STARD3NL: variants seen among roughly 807,000 people sequenced by gnomAD.
STARD3NL encodes STARD3 N-terminal-like protein.
In STARD3NL, 17 loss-of-function variants were observed where a neutral mutation model predicts 30.9. The observed-to-expected ratio is 0.55, with a 90% CI of 0.38 to 0.82. The LOEUF is 0.82. Among genes scored for constraint, STARD3NL ranks in the 40% least tolerant of loss-of-function variants. The pLI is 0.00. For synonymous variants in STARD3NL, 112 were observed against 100.5 expected (o/e 1.11, Z -0.69); for missense variants, 234 against 277.6 (o/e 0.84, Z 1.12).
chr7:38,178,880 A>G (rs1217074311), intron 1 of STARD3NL, among the ~76,000 whole-genome samples: 1 of 143,176 alleles, frequency 7.0e-6, no homozygotes, highest in Admixed American at 6.8e-5. Flanking sequence ...AAAAAAAAAG[A>G]AAGAAAGCAC....
chr7:38,201,160 C>T (rs1019720865), intron 1 of STARD3NL, among the ~76,000 whole-genome samples: 15 of 152,158 alleles, frequency 9.9e-5, no homozygotes, highest in Non-Finnish European at 1.8e-4. Flanking sequence ...TACAACTTCC[C>T]TTTTTCCCAG....
intron 7 of STARD3NL, among the ~76,000 whole-genome samples, chr7:38,220,394 A>T (rs1188880258): frequency 2.6e-5 from 4 of 152,246 alleles, no homozygotes; most frequent in Non-Finnish European, 4.4e-5. Flanking sequence ...ATCACTAATC[A>T]TTAGGAAAAT....
At chr7:38,217,460 A>G (rs1400219840) in intron 6 of STARD3NL, among the ~76,000 whole-genome samples, 155 bp downstream of exon 6, 1 of 152,104 alleles carries the variant, frequency 6.6e-6, no homozygotes, top group Admixed American at 6.6e-5. Context: ...AATCGAGAGA[A>G]GGGTTGGGTG....
At chr7:38,194,085 G>A (rs1053601050) in intron 1 of STARD3NL, among the ~76,000 whole-genome samples, 1 of 152,022 alleles carries the variant, frequency 6.6e-6, no homozygotes, top group Admixed American at 6.5e-5. Flanking sequence ...TTTTGGAATG[G>A]TTTATTCTAT....
At chr7:38,221,218 A>C (rs1030936353) in intron 7 of STARD3NL, among the ~76,000 whole-genome samples, 1 of 152,146 alleles carries the variant, frequency 6.6e-6, no homozygotes, top group African/African-American at 2.4e-5. Context: ...ATGGTAAAAA[A>C]CCCACTATTT....
intron 1 of STARD3NL, among the ~76,000 whole-genome samples, chr7:38,199,257 A>G (rs1301224965): frequency 6.6e-6 from 1 of 152,240 alleles, no homozygotes; most frequent in Non-Finnish European, 1.5e-5. Flanking sequence ...AGCCAACCCC[A>G]GAGAGGATCT....
At chr7:38,222,491 A>G (rs909986076) in intron 7 of STARD3NL, among the ~76,000 whole-genome samples, 1 of 152,232 alleles carries the variant, frequency 6.6e-6, no homozygotes, top group African/African-American at 2.4e-5. Flanking sequence ...AAGGAAATTC[A>G]TATTAGAGTT....
intron 1 of STARD3NL, among the ~76,000 whole-genome samples, chr7:38,187,430 A>G (rs918565060): frequency 1.3e-5 from 2 of 152,254 alleles, no homozygotes; most frequent in Admixed American, 6.5e-5. Flanking sequence ...TATTATTTAT[A>G]TATCTTCCCT....
chr7:38,209,403 C>T (rs1169331999), intron 2 of STARD3NL, among the ~76,000 whole-genome samples: 1 of 152,090 alleles, frequency 6.6e-6, no homozygotes, highest in Non-Finnish European at 1.5e-5. Context: ...TTGCCTCAGC[C>T]TCCAGAGTAG....
intron 1 of STARD3NL, among the ~76,000 whole-genome samples, chr7:38,206,690 G>A (rs1367629326): frequency 3.3e-5 from 5 of 152,244 alleles, no homozygotes; most frequent in East Asian, 1.9e-4. Flanking sequence ...TTAAGAGGAT[G>A]GGGAAATGCT....
Position 38,221,289 on chromosome 7 carries a change from T to A in STARD3NL, c.649+1629T>A, listed in dbSNP as rs192433712. On this transcript the variant is annotated intron_variant, in intron 7 of 8. Coordinates refer to ENST00000009041, the MANE Select transcript of STARD3NL (RefSeq NM_032016.4). ...TGTTCTAAGCTTTATTAATATTCAC[T>A]CATTTACTCCTCCCTTGTCTGCTTA... Among the ~76,000 whole-genome samples the A allele has an allele frequency of 1.8e-3, 270 of 152,330 alleles. 1 individual carries two copies. The highest frequency in any genetic ancestry group is 5.8e-4 in the East Asian group (3 of 5,184).
chr7:38,186,356 G>A (rs1480463965), intron 1 of STARD3NL, among the ~76,000 whole-genome samples: 2 of 152,134 alleles, frequency 1.3e-5, no homozygotes, highest in East Asian at 3.8e-4. Flanking sequence ...GAGGGACCAA[G>A]GAAAAGTTCT....
chr7:38,182,980 C>G (rs1394010823), intron 1 of STARD3NL, among the ~76,000 whole-genome samples: 2 of 152,132 alleles, frequency 1.3e-5, no homozygotes, highest in African/African-American at 4.8e-5. Flanking sequence ...AAATACTGTG[C>G]ATTATTGCTC....
rs566598898 is a variant in STARD3NL at position 38,190,642 on chromosome 7, C to A, written c.-59+12222C>A. On this transcript the variant is annotated intron_variant, in intron 1 of 8. Coordinates refer to ENST00000009041, the MANE Select transcript of STARD3NL (RefSeq NM_032016.4). ...AGGGCACTCTCCTGCATAACCATTACTAAACTGTAATCAATTCTCCAATTG... is the reference window on the plus strand; with the variant it reads ...AGGGCACTCTCCTGCATAACCATTAATAAACTGTAATCAATTCTCCAATTG... 2.0e-5 allele frequency among the ~76,000 whole-genome samples: 3 copies of A among 152,314 alleles called. No individual in the cohort carries two copies. In the South Asian group the frequency reaches 6.2e-4, roughly 32 times the overall value.
chr7:38,214,366 G>T lies in STARD3NL; in HGVS notation c.235G>T (p.Gly79Cys). The change falls in exon 3 of 9, where the codon GGC becomes TGC. Residue 79 changes from glycine to cysteine, a missense_variant. Transcript: ENST00000009041. The part of the protein sequence containing the change: ...LWIIELNVNG[G>C]IENTLEKEVM... ...TTACTCTCCTTTCTAGGTGAATGGA[G>T]GCATTGAGAACACATTAGAGAAGGA... 1 of 1,602,594 alleles carries T rather than the reference G, an allele frequency of 6.2e-7. No individual in the cohort carries two copies.
intron 4 of STARD3NL, chr7:38,216,616 T>C (rs936060492): frequency 1.2e-5 from 2 of 171,666 alleles, no homozygotes; most frequent in Non-Finnish European, 2.5e-5. Context: ...GCTAAAAATA[T>C]TAGTTGAAGG....
intron 1 of STARD3NL, among the ~76,000 whole-genome samples, chr7:38,192,182 T>C (rs1784714896): frequency 6.6e-6 from 1 of 152,218 alleles, no homozygotes; most frequent in Non-Finnish European, 1.5e-5. Flanking sequence ...TGCTTTCTCT[T>C]TCTCTTTCTG....
intron 1 of STARD3NL, among the ~76,000 whole-genome samples, chr7:38,204,532 A>G (rs1785349631): frequency 6.6e-6 from 1 of 152,228 alleles, no homozygotes; most frequent in Admixed American, 6.5e-5. Flanking sequence ...AAGAGAAAGC[A>G]GGAAAGATCT....
chr7:38,202,934 T>C (rs1376370438), intron 1 of STARD3NL, among the ~76,000 whole-genome samples: 1 of 152,028 alleles, frequency 6.6e-6, no homozygotes, highest in Non-Finnish European at 1.5e-5. Flanking sequence ...TAGTATTCCA[T>C]GGTGTATATG....
Sources: gnomAD v4.1 joint callset for allele counts (sites outside exome capture counted in the v4.1 genomes callset) on GRCh38, gnomAD v4.1.1 for gene constraint, MANE v1.5 for transcripts, NCBI Gene and HGNC (gene_info 2026-07-23, HGNC 2026-07-21) for gene names.